Variants in NCK2 observed in about 807,000 individuals in gnomAD.
NCK2 encodes cytoplasmic protein NCK2.
Under a neutral mutation model 33.9 loss-of-function variants are expected in NCK2, and 16 were observed. The ratio of observed to expected loss-of-function variants is 0.47; its 90% confidence interval spans 0.32 to 0.72. The LOEUF (loss-of-function observed/expected upper bound fraction) is 0.72, where lower values mean the gene tolerates loss of function less well. Among genes scored for constraint, NCK2 ranks in the 30% least tolerant of loss-of-function variants. The pLI, the probability that NCK2 is intolerant of heterozygous loss-of-function variation, is 0.03. For synonymous variants in NCK2, 273 were observed against 239.9 expected, an observed-to-expected ratio of 1.14 and a Z score of -1.27; for missense variants, 418 against 537.3, an observed-to-expected ratio of 0.78 and a Z score of 2.19.
In NCK2 at chr2:105,881,628, C is replaced by A. The variant is rs369379486; in HGVS notation, c.527C>A (p.Ser176Tyr). The A allele has an allele frequency of 6.2e-7, 1 of 1,613,414 alleles. No individual in the cohort carries two copies. Among genetic ancestry groups the A allele is most frequent in the African/African-American group, 1.3e-5 (1 of 74,946 alleles). Residue 176 changes from serine to tyrosine, a missense_variant, in exon 4 of 5, where the codon TCC (serine) becomes TAC (tyrosine). Coordinates refer to ENST00000233154, the MANE Select transcript of NCK2 (RefSeq NM_003581.5). ...LEEVDEAAAE[S>Y]PSFLSLRKGA... ...GAGGTGGACGAGGCGGCTGCGGAGT[C>A]CCCAAGCTTCCTGAGCCTGCGCAAG...
At chr2:105,865,902 A>ATGT (rs1677731516) in intron 3 of NCK2, among the ~76,000 whole-genome samples, 1 of 148,746 alleles carries the variant, frequency 6.7e-6, no homozygotes, top group East Asian at 2.0e-4. Flanking sequence ...AAAGACAGAG[A>ATGT]TATTATTATT....
intron 1 of NCK2, among the ~76,000 whole-genome samples, chr2:105,764,615 T>C (rs931659997): frequency 1.3e-5 from 2 of 152,206 alleles, no homozygotes; most frequent in African/African-American, 4.8e-5. Context: ...ACACAGCTGC[T>C]TTATGGAGAC....
At chr2:105,778,706 AT>A (rs1417602315) in intron 1 of NCK2, among the ~76,000 whole-genome samples, 1 of 151,950 alleles carries the variant, frequency 6.6e-6, no homozygotes, top group Non-Finnish European at 1.5e-5. Context: ...GATAATGGTT[AT>A]TTTTTTCTTC....
At chr2:105,822,831 C>T (rs1468040762) in intron 2 of NCK2, among the ~76,000 whole-genome samples, 3 of 151,964 alleles carry the variant, frequency 2.0e-5, no homozygotes, top group East Asian at 1.9e-4. Flanking sequence ...GGATAGTCCT[C>T]CCCTGAATTG....
intron 3 of NCK2, among the ~76,000 whole-genome samples, chr2:105,859,644 G>A (rs1391613888): frequency 3.9e-5 from 6 of 152,370 alleles, no homozygotes; most frequent in South Asian, 2.1e-4. Flanking sequence ...GCTGGCACCC[G>A]TGGGTGAAAT....
chr2:105,884,257 C>T (rs549264274), intron 4 of NCK2, among the ~76,000 whole-genome samples: 2 of 152,292 alleles, frequency 1.3e-5, no homozygotes, highest in South Asian at 4.1e-4. Flanking sequence ...CCACTGCCTC[C>T]CCCCGTCCCC....
intron 2 of NCK2, among the ~76,000 whole-genome samples, chr2:105,816,961 G>A (rs1176198902): frequency 2.0e-5 from 3 of 152,064 alleles, no homozygotes; most frequent in Non-Finnish European, 4.4e-5. Flanking sequence ...CACTTTTCTG[G>A]TGCTTTCAGT....
In NCK2 at chr2:105,867,611, C is replaced by A. The variant is rs141438389; in HGVS notation, c.226+12322C>A. On this transcript the variant is annotated intron_variant, in intron 3 of 4. Coordinates refer to ENST00000233154, the MANE Select transcript of NCK2 (RefSeq NM_003581.5). ...CTGGGAAGTGAAGGTGGGGTCCGTA[C>A]CCTTGGAATACTAAGGAGAATCAGG... 3.6e-3 allele frequency among the ~76,000 whole-genome samples: 550 copies of A among 152,272 alleles called. 2 individuals carry two copies. Among genetic ancestry groups the A allele is most frequent in the African/African-American group, 0.012 (494 of 41,536 alleles).
At chr2:105,842,652 C>T (rs903087120) in intron 2 of NCK2, among the ~76,000 whole-genome samples, 4 of 152,022 alleles carry the variant, frequency 2.6e-5, no homozygotes, top group African/African-American at 7.2e-5. Context: ...TGACTTGTGT[C>T]ATTATGTTTT....
chr2:105,864,631 G>A (rs1677676839), intron 3 of NCK2, among the ~76,000 whole-genome samples: 1 of 152,072 alleles, frequency 6.6e-6, no homozygotes, highest in African/African-American at 2.4e-5. Flanking sequence ...TTTCAGATGT[G>A]TAAAGATAAT....
intron 1 of NCK2, among the ~76,000 whole-genome samples, chr2:105,794,220 G>A (rs1245080445): frequency 1.3e-5 from 2 of 151,558 alleles, no homozygotes; most frequent in African/African-American, 4.8e-5. Flanking sequence ...GCTAATTTTT[G>A]TGTTTTTAGA....
chr2:105,885,538 G>C (rs892287315), intron 4 of NCK2, among the ~76,000 whole-genome samples: 8 of 152,004 alleles, frequency 5.3e-5, no homozygotes, highest in Non-Finnish European at 1.0e-4. Context: ...TTCTCTAACT[G>C]TATGTAGTGT....
At chr2:105,861,991 A>T (rs1263543308) in intron 3 of NCK2, among the ~76,000 whole-genome samples, 1 of 140,474 alleles carries the variant, frequency 7.1e-6, no homozygotes, top group Non-Finnish European at 1.5e-5. Flanking sequence ...AAGAAGTAGC[A>T]GGTGGGGATC....
chr2:105,821,251 C>G (rs1210598029), intron 2 of NCK2, among the ~76,000 whole-genome samples: 1 of 152,194 alleles, frequency 6.6e-6, no homozygotes, highest in African/African-American at 2.4e-5. Flanking sequence ...ACTTTGCCCC[C>G]AACAGGTTAT....
At chr2:105,811,512 C>G (rs1047478517) in intron 1 of NCK2, among the ~76,000 whole-genome samples, 8 of 152,282 alleles carry the variant, frequency 5.3e-5, no homozygotes, top group African/African-American at 1.9e-4. Context: ...GTGTTCCCAG[C>G]TAGGGAATCC....
intron 3 of NCK2, among the ~76,000 whole-genome samples, chr2:105,870,306 G>T (rs756775639): frequency 1.3e-5 from 2 of 152,242 alleles, no homozygotes; most frequent in African/African-American, 2.4e-5. Flanking sequence ...ACCCAGGCAG[G>T]GTGGCTGCTT....
chr2:105,870,977 G>T (rs1288015949), intron 3 of NCK2, among the ~76,000 whole-genome samples: 3 of 152,078 alleles, frequency 2.0e-5, no homozygotes, highest in Non-Finnish European at 4.4e-5. Flanking sequence ...GCAGAGCAGG[G>T]TCAGCGTGTT....
At chr2:105,814,156 C>T (rs1372685635) in intron 1 of NCK2, among the ~76,000 whole-genome samples, 1 of 152,230 alleles carries the variant, frequency 6.6e-6, no homozygotes, top group Admixed American at 6.5e-5. Context: ...TTCCTTAACA[C>T]AGGTTTTGAA....
intron 3 of NCK2, among the ~76,000 whole-genome samples, chr2:105,866,446 G>A (rs1677766243): frequency 6.6e-6 from 1 of 152,194 alleles, no homozygotes; most frequent in Non-Finnish European, 1.5e-5. Flanking sequence ...TTTGGCACCA[G>A]GAACTGGTTT....
Sources: allele counts gnomAD v4.1 joint callset (sites outside exome capture counted in the v4.1 genomes callset), GRCh38; gene constraint gnomAD v4.1.1; transcripts MANE v1.5; gene names NCBI Gene and HGNC (gene_info 2026-07-23, HGNC 2026-07-21).